CDH13: variants seen among roughly 807,000 people sequenced by gnomAD.
CDH13 encodes the protein cadherin-13.
In CDH13, 24 loss-of-function variants were observed where a neutral mutation model predicts 63.8. The ratio of observed to expected loss-of-function variants is 0.38; its 90% CI spans 0.27 to 0.53. The LOEUF (loss-of-function observed/expected upper bound fraction) is 0.53. Among genes scored for constraint, CDH13 ranks in the 20% least tolerant of loss-of-function variants. The pLI, the probability that CDH13 is intolerant of heterozygous loss-of-function variation, is 0.85. For missense variants in CDH13, 1,049 were observed against 903.1 expected, an observed-to-expected ratio of 1.16 and a Z score of -2.07; for synonymous variants, 503 against 355.3, an observed-to-expected ratio of 1.42 and a Z score of -4.67.
chr16:83,122,751 C>T (rs538776865), intron 3 of CDH13, among the ~76,000 whole-genome samples: 1 of 151,720 alleles, frequency 6.6e-6, no homozygotes, highest in Non-Finnish European at 1.5e-5. Flanking sequence ...CTATCTATTA[C>T]CCTAGATAAA....
intron 2 of CDH13, among the ~76,000 whole-genome samples, chr16:82,968,812 C>A (rs956701349): frequency 1.3e-5 from 2 of 152,130 alleles, no homozygotes; most frequent in Non-Finnish European, 2.9e-5. Flanking sequence ...TGGGTTTTTA[C>A]ATATATCTGT....
chr16:83,522,945 G>A (rs961383505), intron 7 of CDH13, among the ~76,000 whole-genome samples: 1 of 152,184 alleles, frequency 6.6e-6, no homozygotes, highest in African/African-American at 2.4e-5. Flanking sequence ...TCAGACTCAT[G>A]ACCTTAGCAG....
chr16:82,931,350 A>G (rs2042484543), intron 2 of CDH13, among the ~76,000 whole-genome samples: 1 of 152,204 alleles, frequency 6.6e-6, no homozygotes, highest in African/African-American at 2.4e-5. Context: ...GAATAATTCT[A>G]TTTTCCAATG....
intron 5 of CDH13, among the ~76,000 whole-genome samples, chr16:83,273,388 A>T (rs139306476): frequency 6.6e-6 from 1 of 151,968 alleles, no homozygotes; most frequent in Non-Finnish European, 1.5e-5. Context: ...CTTAGTGTCT[A>T]TGAGTGAGTA....
chr16:82,665,699 C>G (rs917501798), intron 1 of CDH13, among the ~76,000 whole-genome samples: 1 of 152,056 alleles, frequency 6.6e-6, no homozygotes, highest in African/African-American at 2.4e-5. Flanking sequence ...CTCTGCCCAA[C>G]TCCAGACAGG....
intron 6 of CDH13, among the ~76,000 whole-genome samples, chr16:83,457,255 C>T (rs1444390475): frequency 6.6e-6 from 1 of 152,178 alleles, no homozygotes; most frequent in Admixed American, 6.5e-5. Flanking sequence ...ACATGAAACA[C>T]TCAGCACGTG....
At chr16:83,267,631 A>G (rs1430860385) in intron 5 of CDH13, among the ~76,000 whole-genome samples, 3 of 152,098 alleles carry the variant, frequency 2.0e-5, no homozygotes, top group Non-Finnish European at 2.9e-5. Flanking sequence ...CGGTAAAAGG[A>G]TGAGTTCGGC....
chr16:83,647,093 G>T lies in CDH13; in HGVS notation c.1102-23697G>T, dbSNP rs561999544. ...TGGGAGGCCGAGGAGGGCGGATCACGAGGTCAGGAGATCGAGACCATCCTG... is the reference window on the plus strand; with the variant it reads ...TGGGAGGCCGAGGAGGGCGGATCACTAGGTCAGGAGATCGAGACCATCCTG... On this transcript the variant is annotated intron_variant, in intron 8 of 13. Coordinates refer to ENST00000567109, the MANE Select transcript of CDH13 (RefSeq NM_001257.5). 7.4e-4 allele frequency among the ~76,000 whole-genome samples: 113 copies of T among 152,074 alleles called. 1 individual carries two copies. The Middle Eastern group carries it at 0.027, about 37-fold the overall frequency.
chr16:83,750,846 G>A (rs555693699), intron 11 of CDH13, among the ~76,000 whole-genome samples: 2 of 152,132 alleles, frequency 1.3e-5, no homozygotes, highest in Non-Finnish European at 1.5e-5. Context: ...GATTTCTGTC[G>A]TGTAAGCCAC....
At chr16:83,237,953 C>G (rs964144490) in intron 5 of CDH13, among the ~76,000 whole-genome samples, 10 of 152,170 alleles carry the variant, frequency 6.6e-5, no homozygotes, top group Non-Finnish European at 8.8e-5. Flanking sequence ...ACTATGCTCA[C>G]GTCACATAGC....
At chr16:83,391,889 A>G (rs1167686824) in intron 6 of CDH13, among the ~76,000 whole-genome samples, 1 of 152,176 alleles carries the variant, frequency 6.6e-6, no homozygotes, top group Non-Finnish European at 1.5e-5. Context: ...TGAGTGTAAA[A>G]TCGAGTTGGG....
At chr16:82,655,600 G>C (rs985051906) in intron 1 of CDH13, among the ~76,000 whole-genome samples, 1 of 152,176 alleles carries the variant, frequency 6.6e-6, no homozygotes, top group Non-Finnish European at 1.5e-5. Flanking sequence ...GGGGTTGGGG[G>C]AGGGCAAGGC....
intron 1 of CDH13, among the ~76,000 whole-genome samples, chr16:82,815,206 TAG>T (rs1351135255): frequency 6.6e-6 from 1 of 151,898 alleles, no homozygotes; most frequent in East Asian, 1.9e-4. Flanking sequence ...AGCCACGCAG[TAG>T]AGTCTTGGAA....
chr16:82,665,646 G>A (rs1188480511), intron 1 of CDH13, among the ~76,000 whole-genome samples: 1 of 151,950 alleles, frequency 6.6e-6, no homozygotes, highest in Non-Finnish European at 1.5e-5. Flanking sequence ...CAGGTACTCT[G>A]CTTCACCTTC....
At chr16:82,841,982 G>A (rs1194866430) in intron 1 of CDH13, among the ~76,000 whole-genome samples, 1 of 150,934 alleles carries the variant, frequency 6.6e-6, no homozygotes, top group Non-Finnish European at 1.5e-5. Context: ...TTCTTGGGGA[G>A]CTGGTCATTA....
At chr16:83,330,791 G>C (rs1219779801) in intron 5 of CDH13, among the ~76,000 whole-genome samples, 2 of 152,128 alleles carry the variant, frequency 1.3e-5, no homozygotes, top group Non-Finnish European at 2.9e-5. Context: ...CAGGGGACTT[G>C]GTCACATGAG....
In CDH13 at chr16:83,632,210, A is replaced by G. The variant is rs150596194; in HGVS notation, c.1101+29616A>G. ...AGAAGGGCTGTTTTTATTTCCCTGA[A>G]TCCCAGTTCTGTTTCTGAGTTCTTA... On this transcript the variant is annotated intron_variant, in intron 8 of 13. Transcript: ENST00000567109. 2.0e-3 allele frequency among the ~76,000 whole-genome samples: 305 copies of G among 151,460 alleles called. 1 individual carries two copies. Among genetic ancestry groups the G allele is most frequent in the African/African-American group, 7.1e-3 (295 of 41,272 alleles).
intron 1 of CDH13, among the ~76,000 whole-genome samples, chr16:82,713,306 C>T (rs2032098713): frequency 6.6e-6 from 1 of 152,124 alleles, no homozygotes; most frequent in Non-Finnish European, 1.5e-5. Context: ...ATTCTATACA[C>T]ACTGGTATCT....
intron 1 of CDH13, among the ~76,000 whole-genome samples, chr16:82,799,524 C>CT (rs2036749518): frequency 6.6e-6 from 1 of 152,172 alleles, no homozygotes; most frequent in Non-Finnish European, 1.5e-5. Context: ...TCAGTTTAGT[C>CT]TTTTTTGCAA....
Sources: gnomAD v4.1 joint callset for allele counts (sites outside exome capture counted in the v4.1 genomes callset) on GRCh38, gnomAD v4.1.1 for gene constraint, MANE v1.5 for transcripts, NCBI Gene and HGNC (gene_info 2026-07-23, HGNC 2026-07-21) for gene names.